Variants in ATP2A3 observed in about 807,000 individuals in gnomAD.
ATP2A3 encodes the protein ATPase sarcoplasmic/endoplasmic reticulum Ca2+ transporting 3.
Under a neutral mutation model 106.8 loss-of-function variants are expected in ATP2A3, and 61 were observed. The observed-to-expected ratio is 0.57, with a 90% CI of 0.46 to 0.71. The LOEUF (loss-of-function observed/expected upper bound fraction) is 0.71. Ranked by LOEUF, ATP2A3 falls within the 30% of genes least tolerant of loss-of-function variation. The pLI is 0.00. For missense variants in ATP2A3, 1,201 were observed against 1,423.5 expected (o/e 0.84, Z 2.52); for synonymous variants, 611 against 609.3 (o/e 1.00, Z -0.04).
At chr17:3,950,459 ATGT>A in intron 7 of ATP2A3, 49 bp downstream of exon 7, 4 of 1,581,128 alleles carry the variant, frequency 2.5e-6, no homozygotes, top group East Asian at 2.2e-5. Flanking sequence ...CATAATCCTA[ATGT>A]TGTTATTTTT....
At chr17:3,956,825 C>A (rs545689421) in intron 1 of ATP2A3, among the ~76,000 whole-genome samples, 6 of 152,336 alleles carry the variant, frequency 3.9e-5, no homozygotes, top group African/African-American at 1.4e-4. Context: ...ACCTGGCTTC[C>A]TCCGCAAAGC....
rs1046595871 is a variant in ATP2A3, at chr17:3,958,831, TAC to T, written c.119-5123_119-5122del. Among the ~76,000 whole-genome samples the T allele has an allele frequency of 6.8e-5, 9 of 131,720 alleles. 1 individual carries two copies. Among genetic ancestry groups the T allele is most frequent in the Admixed American group, 2.2e-4 (3 of 13,352 alleles). The allele number at this position is 131,720 out of a possible 152,430, so 86.4% of individuals were successfully genotyped here. A position where few individuals can be genotyped will look rare whatever the true frequency, so the allele number is the denominator to read the frequency against. On this transcript the variant is annotated intron_variant, in intron 1 of 20. Transcript: ENST00000397041. ...ACATATATATATACACACATATATA[TAC>T]ACACACACATATATAAATATATATA...
chr17:3,953,273 C>T lies in ATP2A3; in HGVS notation c.219+74G>A, dbSNP rs562594976. 2.4e-4 allele frequency: 365 copies of T among 1,525,070 alleles called. 3 individuals are homozygous for T. The highest frequency in any genetic ancestry group is 6.3e-4 in the African/African-American group (46 of 73,166). The allele number at this position is 1,525,070 out of a possible 1,614,324, so 94.5% of individuals were successfully genotyped here. A position where few individuals can be genotyped will look rare whatever the true frequency, so the allele number is the denominator to read the frequency against. ...AGGACAGGCCCAGGCTCCAGGACCTCGGAGCACTGCCCAGCCTGGCTCTCC... is the reference window on the plus strand; with the variant it reads ...AGGACAGGCCCAGGCTCCAGGACCTTGGAGCACTGCCCAGCCTGGCTCTCC... On this transcript the variant is annotated intron_variant, in intron 3 of 20. Transcript: ENST00000397041. This position sits in a 1 kb window ranked among gnomAD's most constrained non-coding sequence, Gnocchi z 5.1.
rs532551141 is a variant in ATP2A3 at position 3,925,454 on chromosome 17, C to T, written c.2981-13G>A. 7.4e-6 allele frequency: 12 copies of T among 1,612,170 alleles called. No homozygotes were observed. In the African/African-American group the frequency reaches 1.5e-4, roughly 20 times the overall value. On this transcript the variant is annotated splice_polypyrimidine_tract_variant and intron_variant, in intron 20 of 20. Transcript: ENST00000397041. This position sits in a 1 kb window ranked among gnomAD's most constrained non-coding sequence, Gnocchi z 4.2. ...TGGCTCATTTCTTCTGGAAGAAAAA[C>T]CCAAGAGCGCGTTAAGATGTATGTG...
At position 3,953,115 on chromosome 17, in the gene ATP2A3, A is replaced by G. The variant is rs1468975747; in HGVS notation, c.219+232T>C. Among the ~76,000 whole-genome samples the G allele has an allele frequency of 2.6e-5, 4 of 152,056 alleles. No homozygotes were observed. In the East Asian group the frequency reaches 5.8e-4, roughly 22 times the overall value. On this transcript the variant is annotated intron_variant, in intron 3 of 20. Coordinates refer to ENST00000397041, the MANE Select transcript of ATP2A3 (RefSeq NM_005173.4). This position sits in a 1 kb window ranked among gnomAD's most constrained non-coding sequence, Gnocchi z 5.1. ...AGTTGGGGAGCTCGCTGAGAGCCAG[A>G]GGATAAGATGGATTGGAGGGGTCAG...
chr17:3,942,517 A>G, intron 12 of ATP2A3, 89 bp downstream of exon 12: 1 of 1,543,284 alleles, frequency 6.5e-7, no homozygotes, highest in Non-Finnish European at 8.7e-7. Context: ...CCTGCCATTC[A>G]CACGGGAGGA....
chr17:3,937,817 G>A (rs1269741679), intron 14 of ATP2A3, among the ~76,000 whole-genome samples, 181 bp from the exon 15 acceptor site: 1 of 152,188 alleles, frequency 6.6e-6, no homozygotes, highest in Non-Finnish European at 1.5e-5. Context: ...CTGAGGAGAA[G>A]GCAAGGGATG....
Position 3,930,421 on chromosome 17 carries a change from T to C in ATP2A3, c.2624A>G (p.Lys875Arg), listed in dbSNP as rs2053002639. The C allele has an allele frequency of 6.2e-7, 1 of 1,613,930 alleles. No homozygotes were observed. The highest frequency in any genetic ancestry group is 8.5e-7 in the Non-Finnish European group (1 of 1,179,992). ...AAAGAGCGGGTTGTCTTCGGAGCAC[T>C]TCAGGAAGTTCCTCTGGGGGCACCG... ...INFYQLRNFL[K>R]CSEDNPLFAG... The change falls in exon 18 of 21, where the codon AAG becomes AGG. Residue 875 changes from lysine to arginine, a missense_variant. Physicochemically the swap from Lys to Arg is conservative, Grantham distance 26. Coordinates refer to ENST00000397041, the MANE Select transcript of ATP2A3 (RefSeq NM_005173.4). The surrounding 1 kb of genome is among the most constrained non-coding windows in gnomAD (Gnocchi z 5.4).
intron 10 of ATP2A3, among the ~76,000 whole-genome samples, chr17:3,944,354 T>G (rs1291330575): frequency 6.6e-6 from 1 of 151,984 alleles, no homozygotes; most frequent in African/African-American, 2.4e-5. Flanking sequence ...CGTGAATGCC[T>G]AAGTCGCAGG....
At position 3,941,285 on chromosome 17, in the gene ATP2A3, A is replaced by C. The variant is rs1454433502; in HGVS notation, c.1786T>G (p.Cys596Gly). 2 of 1,613,652 alleles carry C rather than the reference A, an allele frequency of 1.2e-6. No homozygotes were observed. The highest frequency in any genetic ancestry group is 1.7e-5 in the Admixed American group (1 of 60,020). The change falls in exon 14 of 21, where the codon TGC becomes GGC. Residue 596 changes from cysteine to glycine, a missense_variant. Physicochemically the swap from Cys to Gly is radical, Grantham distance 159 (BLOSUM62 -3). This residue lies in a region of ATP2A3 where 935 missense variants were observed against 1,176.7 expected (regional missense o/e 0.79). Transcript: ENST00000397041. ...CGCGGCGGGTCCAGCATGCCTACGC[A>C]GCCCACGAAGGTCAGGTCCGTCTGT... ...QYETDLTFVG[C>G]VGMLDPPRPE...
Position 3,947,938 on chromosome 17 carries a change from G to T in ATP2A3, c.631-83C>A. 1 of 1,359,120 alleles carries T rather than the reference G, an allele frequency of 7.4e-7. No individual in the cohort carries two copies. The highest frequency in any genetic ancestry group is 1.4e-5 in the African/African-American group (1 of 69,518). 84.2% of individuals were successfully genotyped at this position (1,359,120 alleles called of 1,614,324 possible). ...CCCTGACTCCTTCAGGCCGGAATAA[G>T]GCACTTATCCTTCTACCCGGCTTTC... On this transcript the variant is annotated intron_variant, in intron 7 of 20. Transcript: ENST00000397041. The surrounding 1 kb of genome is among the most constrained non-coding windows in gnomAD (Gnocchi z 7.7).
chr17:3,925,317 G>A lies in ATP2A3; in HGVS notation c.*105C>T. 1 of 1,596,216 alleles carries A rather than the reference G, an allele frequency of 6.3e-7. No individual in the cohort carries two copies. The highest frequency in any genetic ancestry group is 1.3e-5 in the African/African-American group (1 of 74,760). On this transcript the variant is annotated 3_prime_UTR_variant, in exon 21 of 21. Transcript: ENST00000397041. This position sits in a 1 kb window ranked among gnomAD's most constrained non-coding sequence, Gnocchi z 4.2. ...CCTGTCATTTATCCGGCGGGACCCG[G>A]TGGGCAAGTGGGCGAGTGTGGTGGC...
chr17:3,935,163 A>T, intron 17 of ATP2A3, 29 bp downstream of exon 17: 4 of 1,612,394 alleles, frequency 2.5e-6, no homozygotes, highest in Non-Finnish European at 3.4e-6. Context: ...CTGTAAGTTC[A>T]ACAGGCTCCC....
At chr17:3,948,999 GTGCTTGTAATCCCACC>G (rs2054269133) in intron 7 of ATP2A3, among the ~76,000 whole-genome samples, 1 of 151,998 alleles carries the variant, frequency 6.6e-6, no homozygotes. Context: ...ACGGTGGTGT[GTGCTTGTAATCCCACC>G]TGCTTGGGAG....
At chr17:3,948,159 C>G (rs568382783) in intron 7 of ATP2A3, among the ~76,000 whole-genome samples, 1 of 152,300 alleles carries the variant, frequency 6.6e-6, no homozygotes, top group East Asian at 1.9e-4. Flanking sequence ...CAGCGCAGCA[C>G]AAGCATCAAC....
chr17:3,964,390 G>T lies in ATP2A3; in HGVS notation c.-99C>A. On this transcript the variant is annotated 5_prime_UTR_variant, in exon 1 of 21. Transcript: ENST00000397041. ...GCGGGGGACTCGGGCCCGGGCGGGC[G>T]CCGCGCGAGGCCATGTCCGTGCTGG... 1 of 571,008 alleles carries T rather than the reference G, an allele frequency of 1.8e-6. No homozygotes were observed. The highest frequency in any genetic ancestry group is 2.3e-6 in the Non-Finnish European group (1 of 435,276). 35.4% of individuals were successfully genotyped at this position (571,008 alleles called of 1,614,324 possible). A position where few individuals can be genotyped will look rare whatever the true frequency, so the allele number is the denominator to read the frequency against.
intron 8 of ATP2A3, among the ~76,000 whole-genome samples, chr17:3,946,933 T>C (rs1048389935): frequency 1.3e-5 from 2 of 152,224 alleles, no homozygotes; most frequent in Non-Finnish European, 2.9e-5. Flanking sequence ...AGGGAATGAA[T>C]AATTCCTGCC....
chr17:3,926,882 C>T lies in ATP2A3; in HGVS notation c.2981-1441G>A, dbSNP rs896658787. ...CTGCACCCGGCCCGTTAGTCTCACC[C>T]CCTCTTGCCTGTCCTCCATGGTTGA... On this transcript the variant is annotated intron_variant, in intron 20 of 20. Coordinates refer to ENST00000397041, the MANE Select transcript of ATP2A3 (RefSeq NM_005173.4). The surrounding 1 kb of genome is among the most constrained non-coding windows in gnomAD (Gnocchi z 4.6). 8.1e-6 allele frequency: 8 copies of T among 985,424 alleles called. No individual in the cohort carries two copies. In the South Asian group the frequency reaches 2.3e-4, roughly 29 times the overall value. The allele number at this position is 985,424 out of a possible 1,614,324, so 61.0% of individuals were successfully genotyped here.
Position 3,925,243 on chromosome 17 carries a change from G to T in ATP2A3, c.*179C>A. 1.1e-6 allele frequency: 1 copy of T among 950,370 alleles called. No individual in the cohort carries two copies. Among genetic ancestry groups the T allele is most frequent in the Non-Finnish European group, 1.6e-6 (1 of 624,088 alleles). 58.9% of individuals were successfully genotyped at this position (950,370 alleles called of 1,614,324 possible). On this transcript the variant is annotated 3_prime_UTR_variant, in exon 21 of 21. Coordinates refer to ENST00000397041, the MANE Select transcript of ATP2A3 (RefSeq NM_005173.4). This position sits in a 1 kb window ranked among gnomAD's most constrained non-coding sequence, Gnocchi z 4.2. ...GACCTCCCAGGCCAGAAGGAAGTGG[G>T]GACAGAGACCCCAGGACGGGGCCCG...
Sources: allele counts gnomAD v4.1 joint callset (sites outside exome capture counted in the v4.1 genomes callset), GRCh38; gene constraint gnomAD v4.1.1; regional missense constraint gnomAD v4.1.1; non-coding constraint Gnocchi (gnomAD v3.1); transcripts MANE v1.5; gene names NCBI Gene and HGNC (gene_info 2026-07-23, HGNC 2026-07-21).